RPUSD3: variants seen among roughly 807,000 people sequenced by gnomAD.
The protein encoded by RPUSD3 is RNA pseudouridine synthase D3.
In RPUSD3, 36 loss-of-function variants were observed where a neutral mutation model predicts 35.1. The ratio of observed to expected loss-of-function variants is 1.02; its 90% CI spans 0.79 to 1.35. RPUSD3 has a LOEUF of 1.35. Ranked by LOEUF, RPUSD3 falls within the 40% of genes most tolerant of loss-of-function variation. The pLI is 0.00. For synonymous variants in RPUSD3, 202 were observed against 187.8 expected, an observed-to-expected ratio of 1.08 and a Z score of -0.62; for missense variants, 486 against 441.9, an observed-to-expected ratio of 1.10 and a Z score of -0.89.
In RPUSD3 at chr3:9,842,194, C is replaced by T. The variant is rs771014193; in HGVS notation, c.307+5G>A. The T allele has an allele frequency of 2.5e-6, 4 of 1,614,182 alleles. No individual in the cohort carries two copies. The highest frequency in any genetic ancestry group is 1.3e-5 in the African/African-American group (1 of 75,036). The stretch of plus-strand genomic sequence containing the variant: ...GCATTCCCTTCCCACATCCCCGGCC[C>T]ATACCTGTCACTGGTAGACCCTGTG... On this transcript the variant is annotated splice_donor_5th_base_variant and intron_variant, in intron 3 of 8. Coordinates refer to ENST00000383820, the Ensembl canonical transcript of RPUSD3.
chr3:9,841,647 T>A (rs2125025549), intron 4 of RPUSD3: 1 of 188,850 alleles, frequency 5.3e-6, no homozygotes, highest in East Asian at 1.4e-4. Context: ...GTTTTGTTGT[T>A]GTTTTTCCAG....
chr3:9,843,419 G>A (rs752600852), intron 2 of RPUSD3, 46 bp downstream of exon 2: 8 of 1,608,240 alleles, frequency 5.0e-6, no homozygotes, highest in Non-Finnish European at 6.8e-6. Flanking sequence ...GCACGCCGAG[G>A]CAGTCCCCTC....
At chr3:9,843,857 C>T in intron 1 of RPUSD3, 33 bp downstream of exon 1, 8 of 1,580,812 alleles carry the variant, frequency 5.1e-6, no homozygotes, top group Non-Finnish European at 5.2e-6. Context: ...GCCCTAGCCT[C>T]CGTCCCGCAT....
In RPUSD3 at chr3:9,841,918, G is replaced by A. The variant is rs1575430958; in HGVS notation, c.407+65C>T. ...GGAAAATGTCTCAGCTTATCCCCAA[G>A]CAGCTGTTTCCCCACCACAGATGGA... On this transcript the variant is annotated intron_variant, in intron 4 of 8. Coordinates refer to ENST00000383820, the Ensembl canonical transcript of RPUSD3. 5.4e-6 allele frequency: 7 copies of A among 1,304,656 alleles called. No homozygotes were observed. In the East Asian group the frequency reaches 1.6e-4, roughly 30 times the overall value. The allele number at this position is 1,304,656 out of a possible 1,614,324, so 80.8% of individuals were successfully genotyped here.
At chr3:9,840,792 G>C (rs545811465) in exon 5 of RPUSD3, 1 of 1,613,318 alleles carries the variant, frequency 6.2e-7, no homozygotes, top group African/African-American at 1.3e-5. Flanking sequence ...AGGAGTACAA[G>C]CCCAGAGCTT....
Position 9,838,052 on chromosome 3 carries a change from GGA to G in RPUSD3, c.1018_1019del (p.Ser340GlnfsTer37). The G allele has an allele frequency of 1.3e-6, 2 of 1,599,546 alleles. No homozygotes were observed. Among genetic ancestry groups the G allele is most frequent in the Non-Finnish European group, 1.7e-6 (2 of 1,172,760 alleles). On this transcript the variant is annotated frameshift_variant, in exon 9 of 9. Coordinates refer to ENST00000383820, the Ensembl canonical transcript of RPUSD3. LOFTEE classifies it high-confidence loss of function. ...GGAGCCCCAGGCACTGTAGGGTCCT[GGA>G]GAAATAAGGGGGCAGTGGTGCCAGG...
chr3:9,840,841 C>T (rs1273609258), intron 4 of RPUSD3, 36 bp from the exon 5 acceptor site: 2 of 1,530,396 alleles, frequency 1.3e-6, no homozygotes, highest in Non-Finnish European at 1.8e-6. Context: ...AGTTAAAGTC[C>T]CTTGAACTCG....
chr3:9,837,872 C>G, exon 9 of RPUSD3: 1 of 797,652 alleles, frequency 1.3e-6, no homozygotes, highest in Non-Finnish European at 1.9e-6. Context: ...TTTATTATCA[C>G]AAGTCCAGAG....
At chr3:9,838,175 G>A (rs1385361917) in exon 9 of RPUSD3, 2 of 1,612,000 alleles carry the variant, frequency 1.2e-6, no homozygotes, top group African/African-American at 2.7e-5. Context: ...AGGGGGTCAG[G>A]TGGAGGCGTC....
At chr3:9,842,166 G>A (rs781104481) in intron 3 of RPUSD3, 33 bp downstream of exon 3, 8 of 1,613,636 alleles carry the variant, frequency 5.0e-6, no homozygotes, top group African/African-American at 4.0e-5. Context: ...ACCCCCTTCC[G>A]CTGCATTCCC....
intron 1 of RPUSD3, 37 bp from the exon 2 acceptor site, chr3:9,843,638 T>A (rs1404713106): frequency 1.9e-6 from 3 of 1,608,642 alleles, no homozygotes; most frequent in South Asian, 1.1e-5. Context: ...AGTCATTCCA[T>A]CCCGAGGTGC....
exon 2 of RPUSD3, chr3:9,843,579 A>G (rs2082135387): frequency 6.2e-7 from 1 of 1,613,586 alleles, no homozygotes; most frequent in African/African-American, 1.3e-5. Flanking sequence ...CGTTGGCAGG[A>G]GCCGCGGGGT....
chr3:9,840,287 T>C, exon 7 of RPUSD3: 1 of 1,614,152 alleles, frequency 6.2e-7, no homozygotes, highest in Non-Finnish European at 8.5e-7. Flanking sequence ...CCTTTCGGGA[T>C]GGGGCCTTCA....
At position 9,841,728 on chromosome 3, in the gene RPUSD3, A is replaced by T. The variant is rs112259731; in HGVS notation, c.407+255T>A. The T allele has an allele frequency of 2.6e-3, 897 of 348,752 alleles. 12 individuals carry two copies. The highest frequency in any genetic ancestry group is 0.017 in the African/African-American group (839 of 48,004). The allele number at this position is 348,752 out of a possible 1,614,324, so 21.6% of individuals were successfully genotyped here. ...AAGTGATCCTCTTGCCTTGGCCTCC[A>T]GAAGTGTTGGGATTACAGGTGTGAG... On this transcript the variant is annotated intron_variant, in intron 4 of 8. Transcript: ENST00000383820.
exon 2 of RPUSD3, chr3:9,843,559 G>A (rs765426720): frequency 2.5e-6 from 4 of 1,613,722 alleles, no homozygotes; most frequent in African/African-American, 2.7e-5. Context: ...GGTCCCCGAG[G>A]GGCCCCGACC....
intron 8 of RPUSD3, 106 bp from the exon 9 acceptor site, chr3:9,838,313 C>G (rs2082054093): frequency 9.5e-7 from 1 of 1,053,904 alleles, no homozygotes; most frequent in African/African-American, 1.6e-5. Flanking sequence ...CCATTCCCCA[C>G]TGTTCTGCAA....
chr3:9,840,532 G>A (rs761716901), exon 6 of RPUSD3: 11 of 1,613,794 alleles, frequency 6.8e-6, no homozygotes, highest in South Asian at 3.3e-5. Context: ...CCGGACTCAC[G>A]AGATTGACCC....
chr3:9,839,922 C>T (rs2082078536), intron 7 of RPUSD3: 2 of 336,446 alleles, frequency 5.9e-6, no homozygotes, highest in African/African-American at 2.2e-5. Context: ...CCTCTATCAC[C>T]TAGACTGGAG....
chr3:9,837,914 A>AAGC, exon 9 of RPUSD3: 11 of 1,286,968 alleles, frequency 8.5e-6, no homozygotes, highest in Non-Finnish European at 1.0e-5. Flanking sequence ...GCCACACAGC[A>AAGC]AGCAAGTGGC....
Sources: gnomAD v4.1 joint callset for allele counts on GRCh38, gnomAD v4.1.1 for gene constraint, MANE v1.5 for transcripts, NCBI Gene and HGNC (gene_info 2026-07-23, HGNC 2026-07-21) for gene names.